FNDC3B: variants seen among roughly 807,000 people sequenced by gnomAD.
FNDC3B encodes the protein fibronectin type III domain-containing protein 3B.
In FNDC3B, 12 loss-of-function variants were observed where a neutral mutation model predicts 151.5. That is an observed-to-expected ratio of 0.08 (90% CI 0.05 to 0.13). The LOEUF is 0.13. Among genes scored for constraint, FNDC3B ranks in the 10% least tolerant of loss-of-function variants. FNDC3B has a pLI of 1.00. For synonymous variants in FNDC3B, 528 were observed against 549.0 expected, an observed-to-expected ratio of 0.96 and a Z score of 0.54; for missense variants, 1,214 against 1,505.3, an observed-to-expected ratio of 0.81 and a Z score of 3.20.
chr3:172,271,758 C>T (rs373828554), intron 6 of FNDC3B, among the ~76,000 whole-genome samples: 7 of 152,090 alleles, frequency 4.6e-5, no homozygotes, highest in South Asian at 2.1e-4. Context: ...TTTTTCCAAA[C>T]GTTCAGTGCA....
rs1178096812 is a variant in FNDC3B at position 172,401,359 on chromosome 3, C to T, written c.*3884C>T. ...CAAGGCCTTGGAGGACTGTGAGCCA[C>T]AATCACATATGTCCATGTTTCAAAA... On this transcript the variant is annotated 3_prime_UTR_variant, in exon 26 of 26. Transcript: ENST00000415807. The T allele has an allele frequency of 2.0e-5, 3 of 152,342 alleles. No homozygotes were observed. In the East Asian group the frequency reaches 5.8e-4, roughly 29 times the overall value. The allele number at this position is 152,342 out of a possible 1,614,324, so 9.4% of individuals were successfully genotyped here. A position where few individuals can be genotyped will look rare whatever the true frequency, so the allele number is the denominator to read the frequency against.
At position 172,323,914 on chromosome 3, in the gene FNDC3B, T is replaced by C. The variant is rs376307153; in HGVS notation, c.1255-5038T>C. On this transcript the variant is annotated intron_variant, in intron 11 of 25. Transcript: ENST00000415807. Reference sequence around the variant, plus strand: ...GGGAGGCAGGTGCTCATAGAGTATGTAGTATTCTAAGCGTTACTAGGCTGG... The same window carrying C: ...GGGAGGCAGGTGCTCATAGAGTATGCAGTATTCTAAGCGTTACTAGGCTGG... Among the ~76,000 whole-genome samples, 16 of 152,306 alleles carry C rather than the reference T, an allele frequency of 1.1e-4. No homozygotes were observed. The South Asian group carries it at 3.1e-3, about 30-fold the overall frequency.
rs372496204 is a variant in FNDC3B at position 172,397,495 on chromosome 3, A to G, written c.*20A>G. The G allele has an allele frequency of 2.7e-6, 4 of 1,460,092 alleles. No individual in the cohort carries two copies. In the African/African-American group the frequency reaches 5.6e-5, roughly 20 times the overall value. 90.4% of individuals were successfully genotyped at this position (1,460,092 alleles called of 1,614,324 possible). The stretch of plus-strand genomic sequence containing the variant: ...AAGTAAACCCAACAAAACTAGAGGT[A>G]TGAATTAATGCTACACATTTTAATA... On this transcript the variant is annotated 3_prime_UTR_variant, in exon 26 of 26. Transcript: ENST00000415807.
Position 172,101,799 on chromosome 3 carries a change from GT to G in FNDC3B, c.-28-10647del, listed in dbSNP as rs1298862168. ...GCAATTTATAATTTGGTTTCTGCTA[GT>G]TTTTTCCCCCCTCTAATTTTAAACC... On this transcript the variant is annotated intron_variant, in intron 1 of 25. Coordinates refer to ENST00000415807, the MANE Select transcript of FNDC3B (RefSeq NM_022763.4). 3.9e-5 allele frequency among the ~76,000 whole-genome samples: 6 copies of G among 152,176 alleles called. No homozygotes were observed. The South Asian group carries it at 8.3e-4, about 21-fold the overall frequency.
At chr3:172,234,130 G>A (rs1456966361) in intron 4 of FNDC3B, among the ~76,000 whole-genome samples, 1 of 152,088 alleles carries the variant, frequency 6.6e-6, no homozygotes, top group Non-Finnish European at 1.5e-5. Context: ...CTTTGTTTCT[G>A]TGATCCCGGC....
intron 1 of FNDC3B, among the ~76,000 whole-genome samples, chr3:172,090,553 T>G (rs1718771941): frequency 6.6e-6 from 1 of 152,216 alleles, no homozygotes; most frequent in African/African-American, 2.4e-5. Flanking sequence ...GTATTCTTAA[T>G]CACTTTCCTT....
chr3:172,077,872 A>G (rs769557898), intron 1 of FNDC3B, among the ~76,000 whole-genome samples: 1 of 152,250 alleles, frequency 6.6e-6, no homozygotes, highest in Non-Finnish European at 1.5e-5. Flanking sequence ...AACACAAAAT[A>G]GTAATCAAAA....
In FNDC3B at chr3:172,397,653, A is replaced by T; in HGVS notation, c.*178A>T. On this transcript the variant is annotated 3_prime_UTR_variant, in exon 26 of 26. Coordinates refer to ENST00000415807, the MANE Select transcript of FNDC3B (RefSeq NM_022763.4). ...CTTTTTGAAATGCAAAACTAGGAAA[A>T]GGTTAAACTGGATTTTTTTTTTTAA... 1 of 392,710 alleles carries T rather than the reference A, an allele frequency of 2.5e-6. No individual in the cohort carries two copies. The highest frequency in any genetic ancestry group is 3.7e-5 in the East Asian group (1 of 26,698). The allele number at this position is 392,710 out of a possible 1,614,324, so 24.3% of individuals were successfully genotyped here. A position where few individuals can be genotyped will look rare whatever the true frequency, so the allele number is the denominator to read the frequency against.
chr3:172,059,111 G>A (rs2108469005), intron 1 of FNDC3B, among the ~76,000 whole-genome samples: 1 of 152,286 alleles, frequency 6.6e-6, no homozygotes, highest in South Asian at 2.1e-4. Flanking sequence ...CTTACAGGAA[G>A]CAGCAAAGCA....
At chr3:172,218,694 A>G (rs187810335) in intron 3 of FNDC3B, among the ~76,000 whole-genome samples, 2 of 152,360 alleles carry the variant, frequency 1.3e-5, no homozygotes, top group East Asian at 3.9e-4. Context: ...GTAGGCCAGT[A>G]AAGTGTTGAT....
Position 172,333,070 on chromosome 3 carries a change from C to T in FNDC3B, c.1555-19C>T, listed in dbSNP as rs375932481. On this transcript the variant is annotated intron_variant, in intron 13 of 25. Transcript: ENST00000415807. ...AGAATTTTTTATACTGATGTTTCTT[C>T]CTGGCTTTGCCTTTTCAGGATAACC... 3.3e-6 allele frequency: 5 copies of T among 1,537,790 alleles called. No individual in the cohort carries two copies. In the African/African-American group the frequency reaches 6.8e-5, roughly 21 times the overall value.
chr3:172,138,613 A>G (rs1345094115), intron 3 of FNDC3B, among the ~76,000 whole-genome samples: 1 of 152,240 alleles, frequency 6.6e-6, no homozygotes, highest in African/African-American at 2.4e-5. Flanking sequence ...TTGTGAGGCT[A>G]AAGAAAATAG....
At chr3:172,191,777 C>G (rs946963621) in intron 3 of FNDC3B, among the ~76,000 whole-genome samples, 1 of 152,148 alleles carries the variant, frequency 6.6e-6, no homozygotes, top group Non-Finnish European at 1.5e-5. Context: ...AGCCACCGTG[C>G]CTGGCCTCAA....
intron 1 of FNDC3B, among the ~76,000 whole-genome samples, chr3:172,068,095 GT>G (rs1717588597): frequency 6.6e-6 from 1 of 152,134 alleles, no homozygotes; most frequent in Non-Finnish European, 1.5e-5. Flanking sequence ...ATCCCATTCT[GT>G]AGCCCCTGCT....
chr3:172,190,578 T>C (rs1227510470), intron 3 of FNDC3B, among the ~76,000 whole-genome samples: 1 of 152,248 alleles, frequency 6.6e-6, no homozygotes, highest in Non-Finnish European at 1.5e-5. Flanking sequence ...GTTCAGTTTA[T>C]TTTATTGTGA....
chr3:172,202,053 C>T (rs1725183219), intron 3 of FNDC3B, among the ~76,000 whole-genome samples: 1 of 152,150 alleles, frequency 6.6e-6, no homozygotes, highest in Admixed American at 6.5e-5. Flanking sequence ...CAAATAAACC[C>T]TTGAGTGCAT....
At chr3:172,236,341 G>A (rs1222777481) in intron 4 of FNDC3B, among the ~76,000 whole-genome samples, 3 of 152,248 alleles carry the variant, frequency 2.0e-5, no homozygotes, top group South Asian at 2.1e-4. Context: ...CTTGTCACCC[G>A]TTTAGCCCAC....
intron 3 of FNDC3B, among the ~76,000 whole-genome samples, chr3:172,197,859 C>T (rs564024190): frequency 2.0e-5 from 3 of 152,296 alleles, no homozygotes; most frequent in Admixed American, 6.5e-5. Context: ...TCACTTTGAT[C>T]ATTGACTAAG....
intron 1 of FNDC3B, among the ~76,000 whole-genome samples, chr3:172,058,996 C>T (rs1006429676): frequency 1.3e-5 from 2 of 152,162 alleles, no homozygotes; most frequent in Non-Finnish European, 2.9e-5. Flanking sequence ...TAGCAGTTTG[C>T]CTAGAGCAGT....
Sources: gnomAD v4.1 joint callset for allele counts (sites outside exome capture counted in the v4.1 genomes callset) on GRCh38, gnomAD v4.1.1 for gene constraint, MANE v1.5 for transcripts, NCBI Gene and HGNC (gene_info 2026-07-23, HGNC 2026-07-21) for gene names.